Variants in ZNF670 observed in about 807,000 individuals in gnomAD.
ZNF670 encodes zinc finger protein 670.
ZNF670 carries 7 observed loss-of-function variants against 10.9 expected under a neutral mutation model. The observed-to-expected ratio is 0.64, with a 90% CI of 0.36 to 1.20. The LOEUF (loss-of-function observed/expected upper bound fraction) is 1.20, where lower values mean the gene tolerates loss of function less well. ZNF670 is among the 50% of genes most tolerant of loss of function. The pLI, the probability that ZNF670 is intolerant of heterozygous loss-of-function variation, is 0.02. For synonymous variants in ZNF670, 136 were observed against 152.7 expected (o/e 0.89, Z 0.81); for missense variants, 446 against 458.6 (o/e 0.97, Z 0.25).
At chr1:247,073,924 A>C (rs1450500154) in intron 1 of ZNF670, among the ~76,000 whole-genome samples, 1 of 152,210 alleles carries the variant, frequency 6.6e-6, no homozygotes. Flanking sequence ...GATGTTTACC[A>C]GTGTATTATA....
intron 1 of ZNF670, among the ~76,000 whole-genome samples, chr1:247,052,553 T>C (rs1004897572): frequency 7.9e-5 from 12 of 152,054 alleles, no homozygotes; most frequent in African/African-American, 2.7e-4. Context: ...TTTTTTTCGG[T>C]GCATTGTTTT....
At chr1:247,067,911 C>A (rs1210934069) in intron 1 of ZNF670, among the ~76,000 whole-genome samples, 1 of 146,606 alleles carries the variant, frequency 6.8e-6, no homozygotes, top group Non-Finnish European at 1.5e-5. Context: ...GAAGAGACAA[C>A]CCACTTAAAT....
At position 247,043,296 on chromosome 1, in the gene ZNF670, T is replaced by C. The variant is rs140132593; in HGVS notation, c.4-3759A>G. 4.8e-4 allele frequency: 303 copies of C among 628,576 alleles called. 2 individuals are homozygous for C. In the African/African-American group the frequency reaches 5.0e-3, roughly 10 times the overall value. The allele number at this position is 628,576 out of a possible 1,614,324, so 38.9% of individuals were successfully genotyped here. A position where few individuals can be genotyped will look rare whatever the true frequency, so the allele number is the denominator to read the frequency against. On this transcript the variant is annotated intron_variant, in intron 1 of 3. Coordinates refer to ENST00000366503, the MANE Select transcript of ZNF670 (RefSeq NM_033213.5). ...AAGGAGGGGTGTACATTGTTTGGTCTGTGATAAATCAGTTAGAAAACTGTC... is the reference window on the plus strand; with the variant it reads ...AAGGAGGGGTGTACATTGTTTGGTCCGTGATAAATCAGTTAGAAAACTGTC...
At chr1:247,059,836 C>T (rs1191220291) in intron 1 of ZNF670, among the ~76,000 whole-genome samples, 2 of 152,120 alleles carry the variant, frequency 1.3e-5, no homozygotes, top group African/African-American at 4.8e-5. Flanking sequence ...GGTTAATATA[C>T]AAAAGCCAAT....
chr1:247,037,251 C>T lies in ZNF670; in HGVS notation c.*198G>A, dbSNP rs889849786. 1.9e-5 allele frequency: 10 copies of T among 520,700 alleles called. No individual in the cohort carries two copies. The highest frequency in any genetic ancestry group is 5.9e-5 in the African/African-American group (3 of 51,256). The allele number at this position is 520,700 out of a possible 1,614,324, so 32.3% of individuals were successfully genotyped here. A position where few individuals can be genotyped will look rare whatever the true frequency, so the allele number is the denominator to read the frequency against. On this transcript the variant is annotated 3_prime_UTR_variant, in exon 4 of 4. Coordinates refer to ENST00000366503, the MANE Select transcript of ZNF670 (RefSeq NM_033213.5). The stretch of plus-strand genomic sequence containing the variant: ...CTAACACATTTTTCGTATTTTATGA[C>T]GTTCTTTCCCAGGACGGGTCCTTCT...
rs1490382965 is a variant in ZNF670 at position 247,037,453 on chromosome 1, C to CG, written c.1165_1166insC (p.Trp389SerfsTer14). 5 of 1,582,304 alleles carry CG rather than the reference C, an allele frequency of 3.2e-6. No homozygotes were observed. Among genetic ancestry groups the CG allele is most frequent in the African/African-American group, 1.4e-5 (1 of 73,226 alleles). ...GTGTTTTGTTGTTGTTGTTTTTTAC[C>CG]ACATATAAGCTCTTTCATGCTTTCG... On this transcript the variant is annotated frameshift_variant, in exon 4 of 4. Coordinates refer to ENST00000366503, the MANE Select transcript of ZNF670 (RefSeq NM_033213.5). LOFTEE classifies it high-confidence loss of function.
chr1:247,043,345 T>C, intron 1 of ZNF670: 2 of 559,928 alleles, frequency 3.6e-6, no homozygotes, highest in South Asian at 1.7e-5. Context: ...TCTGGGATAG[T>C]TGAGTATTTG....
chr1:247,061,976 AG>A (rs1383302165), intron 1 of ZNF670, among the ~76,000 whole-genome samples: 4 of 152,200 alleles, frequency 2.6e-5, no homozygotes, highest in African/African-American at 9.7e-5. Context: ...CAGACTACAG[AG>A]CTATCATTTA....
intron 1 of ZNF670, among the ~76,000 whole-genome samples, chr1:247,062,700 T>C (rs951068738): frequency 6.6e-6 from 1 of 152,240 alleles, no homozygotes; most frequent in African/African-American, 2.4e-5. Context: ...CTTTGCAGGT[T>C]CTTTCACCAC....
chr1:247,065,484 C>A (rs1670959924), intron 1 of ZNF670, among the ~76,000 whole-genome samples: 1 of 151,980 alleles, frequency 6.6e-6, no homozygotes, highest in Non-Finnish European at 1.5e-5. Context: ...ATGACAAGTT[C>A]AATTCTACTA....
intron 2 of ZNF670, 90 bp downstream of exon 2, chr1:247,039,321 A>C: frequency 6.7e-7 from 1 of 1,486,474 alleles, no homozygotes; most frequent in Non-Finnish European, 9.0e-7. Flanking sequence ...TTGGCCTCCC[A>C]AAGTGCTGGG....
intron 1 of ZNF670, among the ~76,000 whole-genome samples, chr1:247,065,085 G>A (rs1670951427): frequency 6.6e-6 from 1 of 152,078 alleles, no homozygotes; most frequent in South Asian, 2.1e-4. Flanking sequence ...TGAGATTACG[G>A]GCATGAGCCA....
chr1:247,076,810 A>C (rs1029146993), intron 1 of ZNF670, among the ~76,000 whole-genome samples: 3 of 152,072 alleles, frequency 2.0e-5, no homozygotes, highest in Non-Finnish European at 4.4e-5. Context: ...ACAGGCATGC[A>C]CCACCAGACT....
chr1:247,071,663 T>C (rs1382465577), intron 1 of ZNF670, among the ~76,000 whole-genome samples: 1 of 152,200 alleles, frequency 6.6e-6, no homozygotes, highest in Admixed American at 6.5e-5. Flanking sequence ...ATGATGAAGG[T>C]CTGAATATGA....
chr1:247,047,938 A>T (rs1329908935), intron 1 of ZNF670, among the ~76,000 whole-genome samples: 2 of 152,168 alleles, frequency 1.3e-5, no homozygotes, highest in East Asian at 3.9e-4. Flanking sequence ...GATGGGAGGG[A>T]CTGCCGTGAA....
In ZNF670 at chr1:247,037,781, G is replaced by GTT; in HGVS notation, c.836_837dup (p.Pro280AsnfsTer6). ...TTGCCACATTTTATACATTCATAGG[G>GTT]TTTTTCTCCAGTATGCGTTCTTTCA... On this transcript the variant is annotated frameshift_variant, in exon 4 of 4. Transcript: ENST00000366503. LOFTEE classifies it low-confidence loss of function (END_TRUNC). 1 of 1,613,756 alleles carries GTT rather than the reference G, an allele frequency of 6.2e-7. No homozygotes were observed. The highest frequency in any genetic ancestry group is 1.1e-5 in the South Asian group (1 of 91,028).
chr1:247,059,082 A>G (rs980214745), intron 1 of ZNF670, among the ~76,000 whole-genome samples: 1 of 152,140 alleles, frequency 6.6e-6, no homozygotes, highest in African/African-American at 2.4e-5. Flanking sequence ...TACAAAAGAA[A>G]ACAACAGAAA....
rs544813022 is a variant in ZNF670, at chr1:247,037,228, A to C, written c.*221T>G. On this transcript the variant is annotated 3_prime_UTR_variant, in exon 4 of 4. Coordinates refer to ENST00000366503, the MANE Select transcript of ZNF670 (RefSeq NM_033213.5). ...AGCGGCTGGGAAAATAAAGTGTTCT[A>C]ACACATTTTTCGTATTTTATGACGT... The C allele has an allele frequency of 6.3e-4, 296 of 471,574 alleles. No individual in the cohort carries two copies. Among genetic ancestry groups the C allele is most frequent in the Non-Finnish European group, 1.0e-3 (276 of 274,928 alleles). 29.2% of individuals were successfully genotyped at this position (471,574 alleles called of 1,614,324 possible). A position where few individuals can be genotyped will look rare whatever the true frequency, so the allele number is the denominator to read the frequency against.
intron 1 of ZNF670, chr1:247,042,851 T>C (rs919434052): frequency 1.7e-6 from 1 of 585,256 alleles, no homozygotes; most frequent in Non-Finnish European, 3.1e-6. Flanking sequence ...CCAGAGGCTC[T>C]TTCCCTATTC....
Sources: allele counts gnomAD v4.1 joint callset (sites outside exome capture counted in the v4.1 genomes callset), GRCh38; gene constraint gnomAD v4.1.1; transcripts MANE v1.5; gene names NCBI Gene and HGNC (gene_info 2026-07-23, HGNC 2026-07-21).